NNT: variants seen among roughly 807,000 people sequenced by gnomAD.
NNT encodes NAD(P) transhydrogenase, mitochondrial.
A neutral mutation model predicts 104.8 loss-of-function variants in NNT; 50 were observed. That is an observed-to-expected ratio of 0.48 (90% confidence interval 0.38 to 0.60). NNT has a LOEUF of 0.60. Ranked by LOEUF, NNT falls within the 20% of genes least tolerant of loss-of-function variation. The pLI is 0.00. For missense variants in NNT, 1,131 were observed against 1,330.7 expected (o/e 0.85, Z 2.33); for synonymous variants, 461 against 490.4 (o/e 0.94, Z 0.79).
chr5:43,656,211 G>GT, intron 15 of NNT, 138 bp downstream of exon 15: 1 of 717,738 alleles, frequency 1.4e-6, no homozygotes, highest in Non-Finnish European at 2.3e-6. Context: ...GGAGGCTGAG[G>GT]TGGGAGGCTC....
chr5:43,622,714 G>C (rs1166213375), intron 5 of NNT, among the ~76,000 whole-genome samples: 1 of 152,196 alleles, frequency 6.6e-6, no homozygotes, highest in Non-Finnish European at 1.5e-5. Context: ...AGATCACCCA[G>C]AACTAGTTAG....
chr5:43,681,454 A>T (rs1741713818), intron 19 of NNT, among the ~76,000 whole-genome samples: 3 of 151,970 alleles, frequency 2.0e-5, no homozygotes. Flanking sequence ...GCTGGAGGGC[A>T]GTGGCATGAT....
chr5:43,666,377 G>A (rs923647096), intron 17 of NNT, among the ~76,000 whole-genome samples: 23 of 152,192 alleles, frequency 1.5e-4, no homozygotes, highest in African/African-American at 2.2e-4. Flanking sequence ...GATCACTTGC[G>A]GTCAGGAGCT....
At chr5:43,602,847 GCAAATGTGTCCCTGAAAACTT>G (rs1266186859), upstream of NNT, 1 of 152,474 alleles carries the variant, frequency 6.6e-6, no homozygotes, top group Non-Finnish European at 1.5e-5. Context: ...AAGGGGAGAA[GCAAATGTGTCCCTGAAAACTT>G]CAGCTGCCGC....
intron 19 of NNT, among the ~76,000 whole-genome samples, chr5:43,681,444 G>C (rs1741713247): frequency 1.3e-5 from 2 of 151,738 alleles, no homozygotes; most frequent in African/African-American, 4.8e-5. Context: ...TGTCACCCAG[G>C]CTGGAGGGCA....
intron 10 of NNT, chr5:43,647,891 C>G (rs768472772): frequency 2.2e-6 from 1 of 450,928 alleles, no homozygotes; most frequent in South Asian, 1.6e-5. Flanking sequence ...TACAAGAATT[C>G]AGCAGTGGGT....
chr5:43,677,283 G>A (rs555159854), intron 18 of NNT, among the ~76,000 whole-genome samples: 4 of 152,120 alleles, frequency 2.6e-5, no homozygotes, highest in African/African-American at 7.2e-5. Flanking sequence ...TTATATAAGC[G>A]GAGAAAAGAA....
chr5:43,633,724 A>G (rs1160145981), intron 7 of NNT, among the ~76,000 whole-genome samples: 1 of 152,122 alleles, frequency 6.6e-6, no homozygotes, highest in Non-Finnish European at 1.5e-5. Context: ...AATTCTGGAT[A>G]CCTTCCTTAG....
In NNT at chr5:43,624,784, C is replaced by T. The variant is rs137917218; in HGVS notation, c.776+664C>T. Among the ~76,000 whole-genome samples, 1,079 of 152,100 alleles carry T rather than the reference C, an allele frequency of 7.1e-3. 4 individuals are homozygous for T. Among genetic ancestry groups the T allele is most frequent in the Non-Finnish European group, 9.7e-3 (662 of 67,972 alleles). On this transcript the variant is annotated intron_variant, in intron 6 of 21. Transcript: ENST00000344920. Reference sequence around the variant, plus strand: ...ACACTGGATTTTATTAAATGTCAGTCGAGTACAGTTAATATGTGTTTTAAT... The same window carrying T: ...ACACTGGATTTTATTAAATGTCAGTTGAGTACAGTTAATATGTGTTTTAAT...
At chr5:43,676,407 T>C (rs1182268411) in intron 18 of NNT, among the ~76,000 whole-genome samples, 1 of 152,256 alleles carries the variant, frequency 6.6e-6, no homozygotes, top group Non-Finnish European at 1.5e-5. Context: ...TAGTTAGTTA[T>C]GTACTGAAGT....
At chr5:43,662,977 TA>T (rs1740451637) in intron 17 of NNT, among the ~76,000 whole-genome samples, 1 of 151,560 alleles carries the variant, frequency 6.6e-6, no homozygotes. Flanking sequence ...AATAAAAAAA[TA>T]AAATCACCTA....
chr5:43,698,574 G>A (rs908841893), intron 19 of NNT, among the ~76,000 whole-genome samples: 1 of 152,004 alleles, frequency 6.6e-6, no homozygotes, highest in African/African-American at 2.4e-5. Flanking sequence ...TTATTTCAAT[G>A]TTTAATATTA....
At chr5:43,663,102 A>G (rs1052633731) in intron 17 of NNT, among the ~76,000 whole-genome samples, 7 of 152,108 alleles carry the variant, frequency 4.6e-5, no homozygotes, top group African/African-American at 1.7e-4. Flanking sequence ...TTAAGGTTTA[A>G]TTAATGTTTA....
chr5:43,644,418 G>C (rs547494541), intron 8 of NNT, 93 bp downstream of exon 8: 1 of 1,480,080 alleles, frequency 6.8e-7, no homozygotes, highest in African/African-American at 1.4e-5. Context: ...AGACATTAAG[G>C]CTTGAAATTT....
intron 19 of NNT, among the ~76,000 whole-genome samples, chr5:43,684,131 C>T (rs1314128050): frequency 6.6e-6 from 1 of 152,060 alleles, no homozygotes; most frequent in Non-Finnish European, 1.5e-5. Context: ...TCAAATATTT[C>T]CTGATTCACA....
chr5:43,612,330 C>T (rs757924875), intron 2 of NNT, among the ~76,000 whole-genome samples: 4 of 152,144 alleles, frequency 2.6e-5, no homozygotes, highest in Non-Finnish European at 5.9e-5. Context: ...TCCTTGTCTG[C>T]CCTGTAGATG....
chr5:43,670,386 T>C (rs1740990039), intron 17 of NNT, among the ~76,000 whole-genome samples: 1 of 152,358 alleles, frequency 6.6e-6, no homozygotes, highest in South Asian at 2.1e-4. Flanking sequence ...GGTGTCAATT[T>C]TAGATCTTTT....
chr5:43,669,306 TC>T (rs1222446310), intron 17 of NNT, among the ~76,000 whole-genome samples: 1 of 152,142 alleles, frequency 6.6e-6, no homozygotes, highest in African/African-American at 2.4e-5. Context: ...GGCCAGAACT[TC>T]CAACACTATG....
intron 18 of NNT, 23 bp from the exon 19 acceptor site, chr5:43,677,702 T>C: frequency 6.3e-7 from 1 of 1,599,058 alleles, no homozygotes. Context: ...CACATTCTTC[T>C]GTGTTCTTAA....
Sources: gnomAD v4.1 joint callset for allele counts (sites outside exome capture counted in the v4.1 genomes callset) on GRCh38, gnomAD v4.1.1 for gene constraint, MANE v1.5 for transcripts, NCBI Gene and HGNC (gene_info 2026-07-23, HGNC 2026-07-21) for gene names.